Variants in ABHD2 observed in about 807,000 individuals in gnomAD.
The protein encoded by ABHD2 is monoacylglycerol lipase ABHD2.
ABHD2 carries 20 observed loss-of-function variants against 48.1 expected under a neutral mutation model. That is an observed-to-expected ratio of 0.42 (90% CI 0.29 to 0.60). The LOEUF is 0.60. Ranked by LOEUF, ABHD2 falls within the 20% of genes least tolerant of loss-of-function variation. The pLI, the probability that ABHD2 is intolerant of heterozygous loss-of-function variation, is 0.24. For synonymous variants in ABHD2, 209 were observed against 214.2 expected (o/e 0.98, Z 0.21); for missense variants, 405 against 550.9 (o/e 0.74, Z 2.65).
intron 3 of ABHD2, among the ~76,000 whole-genome samples, chr15:89,133,493 T>C (rs1158310817): frequency 6.6e-6 from 1 of 152,204 alleles, no homozygotes; most frequent in African/African-American, 2.4e-5. Flanking sequence ...TGTGAGCACA[T>C]TTCCCCAAAA....
the ABHD2 span, among the ~76,000 whole-genome samples, chr15:89,079,939 G>A: frequency 2.0e-5 from 3 of 152,168 alleles, no homozygotes; most frequent in African/African-American, 4.8e-5. The surrounding 1 kb of genome is among the most constrained non-coding windows in gnomAD (Gnocchi z 4.3). Flanking sequence ...TGCTGCAAAA[G>A]CTCTACTTTG....
chr15:89,089,082 C>A (rs1480418374), intron 1 of ABHD2, among the ~76,000 whole-genome samples: 2 of 152,264 alleles, frequency 1.3e-5, no homozygotes, highest in Admixed American at 1.3e-4. Flanking sequence ...TTACCGAGTT[C>A]GGCCCCGCGA....
At chr15:89,161,391 T>C (rs1209679978) in intron 5 of ABHD2, among the ~76,000 whole-genome samples, 1 of 152,152 alleles carries the variant, frequency 6.6e-6, no homozygotes. Context: ...TTTGTTTTAT[T>C]TTAATTTAAT....
At chr15:89,187,625 T>C (rs564912561) in intron 7 of ABHD2, among the ~76,000 whole-genome samples, 48 of 152,338 alleles carry the variant, frequency 3.2e-4, no homozygotes, top group African/African-American at 1.1e-3. Context: ...ATAGAAATGC[T>C]GGTTCCACTT....
chr15:89,085,200 G>A (rs1234227137), upstream of ABHD2, among the ~76,000 whole-genome samples: 4 of 151,948 alleles, frequency 2.6e-5, no homozygotes, highest in Non-Finnish European at 1.5e-5. This position sits in a 1 kb window ranked among gnomAD's most constrained non-coding sequence, Gnocchi z 4.2. Flanking sequence ...CATCCCAGAA[G>A]GTGACTGGGG....
At position 89,150,483 on chromosome 15, in the gene ABHD2, T is replaced by C. The variant is rs537157449; in HGVS notation, c.195-1194T>C. On this transcript the variant is annotated intron_variant, in intron 3 of 10. Coordinates refer to ENST00000352732, the MANE Select transcript of ABHD2 (RefSeq NM_152924.5). ...GATATTTGCACCTGTGGTGTTACGC[T>C]GGCAAGTGGCTTCATGTCCTTAAGG... Among the ~76,000 whole-genome samples the C allele has an allele frequency of 8.5e-5, 13 of 152,350 alleles. 1 individual carries two copies. The highest frequency in any genetic ancestry group is 2.9e-4 in the African/African-American group (12 of 41,578).
chr15:89,139,334 T>C (rs529963348), intron 3 of ABHD2, among the ~76,000 whole-genome samples: 11 of 152,272 alleles, frequency 7.2e-5, no homozygotes, highest in Admixed American at 2.6e-4. Context: ...CTAAGTGAAA[T>C]TGGTACTTCT....
rs1028578108 is a variant in ABHD2 at position 89,196,674 on chromosome 15, CT to C, written c.*1254del. On this transcript the variant is annotated 3_prime_UTR_variant, in exon 11 of 11. Coordinates refer to ENST00000352732, the MANE Select transcript of ABHD2 (RefSeq NM_152924.5). Reference sequence around the variant, plus strand: ...TAAACCCAAGTCCCTCTAACTTTGCCTTTGATACCAAACAATTCAAAAGTTG... The same window carrying C: ...TAAACCCAAGTCCCTCTAACTTTGCCTTGATACCAAACAATTCAAAAGTTG... 6.6e-6 allele frequency: 1 copy of C among 152,114 alleles called. No homozygotes were observed. The highest frequency in any genetic ancestry group is 2.4e-5 in the African/African-American group (1 of 41,412). The allele number at this position is 152,114 out of a possible 1,614,324, so 9.4% of individuals were successfully genotyped here.
At chr15:89,129,193 G>A (rs934646235) in intron 3 of ABHD2, among the ~76,000 whole-genome samples, 10 of 151,326 alleles carry the variant, frequency 6.6e-5, no homozygotes, top group African/African-American at 1.7e-4. Context: ...TCAGCTGCAG[G>A]TAGGGGAGGT....
chr15:89,135,143 CTT>C (rs3049683), intron 3 of ABHD2, among the ~76,000 whole-genome samples: 3 of 112,178 alleles, frequency 2.7e-5, no homozygotes, highest in Non-Finnish European at 3.8e-5. Context: ...ACAACTTTTT[CTT>C]TTTTTTTTTT....
intron 5 of ABHD2, among the ~76,000 whole-genome samples, chr15:89,161,426 T>G (rs11073844): frequency 0.61 from 92,746 of 151,848 alleles, 30,167 homozygotes; most frequent in East Asian, 0.83. Flanking sequence ...TCTGAGACAC[T>G]GTCTCACTCT....
Position 89,201,549 on chromosome 15 carries a change from T to C in ABHD2, c.*6126T>C. 6.3e-7 allele frequency: 1 copy of C among 1,595,744 alleles called. No homozygotes were observed. The highest frequency in any genetic ancestry group is 1.3e-5 in the African/African-American group (1 of 74,694). ...GTGTTTACTCTTTTCATTCGGATCA[T>C]AGTCAAAGGGCTGTAGCATTACTGA... On this transcript the variant is annotated 3_prime_UTR_variant, in exon 11 of 11. Coordinates refer to ENST00000352732, the MANE Select transcript of ABHD2 (RefSeq NM_152924.5).
rs1296549202 is a variant in ABHD2, at chr15:89,104,057, C to T, written c.-106-9668C>T. 6.6e-6 allele frequency: 1 copy of T among 152,210 alleles called. No individual in the cohort carries two copies. Among genetic ancestry groups the T allele is most frequent in the Non-Finnish European group, 1.5e-5 (1 of 68,050 alleles). The allele number at this position is 152,210 out of a possible 1,614,324, so 9.4% of individuals were successfully genotyped here. On this transcript the variant is annotated intron_variant, in intron 1 of 10. Transcript: ENST00000352732. The surrounding 1 kb of genome is among the most constrained non-coding windows in gnomAD (Gnocchi z 4.4). ...CACAGCGTCCGAGGTATTTATAAAA[C>T]AGAAATAAGTAAAGCATGCCTCAAA... is the stretch of plus-strand genomic sequence containing the variant.
In ABHD2 at chr15:89,195,604, T is replaced by G; in HGVS notation, c.*181T>G. The G allele has an allele frequency of 1.6e-6, 1 of 607,474 alleles. No homozygotes were observed. The highest frequency in any genetic ancestry group is 2.8e-6 in the Non-Finnish European group (1 of 362,904). The allele number at this position is 607,474 out of a possible 1,614,324, so 37.6% of individuals were successfully genotyped here. On this transcript the variant is annotated 3_prime_UTR_variant, in exon 11 of 11. Transcript: ENST00000352732. The surrounding 1 kb of genome is among the most constrained non-coding windows in gnomAD (Gnocchi z 5.1). ...GCTCTTCCTGGGAGCTCCAGGCTATTTTTGTGCTTAGTTACTGGTTTTCTC... is the reference window on the plus strand; with the variant it reads ...GCTCTTCCTGGGAGCTCCAGGCTATGTTTGTGCTTAGTTACTGGTTTTCTC...
chr15:89,127,884 C>T (rs1289916191), intron 3 of ABHD2, among the ~76,000 whole-genome samples: 1 of 151,966 alleles, frequency 6.6e-6, no homozygotes. Context: ...TGTCAGAATC[C>T]TCAGGCCTTC....
the ABHD2 span, among the ~76,000 whole-genome samples, chr15:89,050,032 T>G: frequency 6.6e-6 from 1 of 152,266 alleles, no homozygotes; most frequent in East Asian, 1.9e-4. Flanking sequence ...CTGGACTACA[T>G]TTTCATAGGT....
chr15:89,180,490 A>G (rs1482809265), intron 6 of ABHD2, among the ~76,000 whole-genome samples: 1 of 152,034 alleles, frequency 6.6e-6, no homozygotes, highest in Non-Finnish European at 1.5e-5. Context: ...CTCTTGGCCC[A>G]CTCCCTTGTG....
At chr15:89,049,533 T>A in the ABHD2 span, among the ~76,000 whole-genome samples, 1 of 152,234 alleles carries the variant, frequency 6.6e-6, no homozygotes, top group Non-Finnish European at 1.5e-5. Context: ...GTGCTAGCAA[T>A]CAGTGAGACT....
chr15:89,183,482 C>G (rs1043755781), intron 6 of ABHD2: 2 of 142,794 alleles, frequency 1.4e-5, no homozygotes, highest in Non-Finnish European at 3.0e-5. Context: ...GTTTCAATTC[C>G]TTAATTCTAC....
Sources: allele counts gnomAD v4.1 joint callset (sites outside exome capture counted in the v4.1 genomes callset), GRCh38; gene constraint gnomAD v4.1.1; non-coding constraint Gnocchi (gnomAD v3.1); transcripts MANE v1.5; gene names NCBI Gene and HGNC (gene_info 2026-07-23, HGNC 2026-07-21).